MYRIP: variants seen among roughly 807,000 people sequenced by gnomAD.
MYRIP encodes myosin VIIA and Rab interacting protein, also known as rab effector MyRIP.
A neutral mutation model predicts 98.0 loss-of-function variants in MYRIP; 49 were observed. The ratio of observed to expected loss-of-function variants is 0.50; its 90% CI spans 0.40 to 0.63. The LOEUF (loss-of-function observed/expected upper bound fraction) is 0.63, where lower values mean the gene tolerates loss of function less well. MYRIP is among the 30% of genes least tolerant of loss of function. The pLI, the probability that MYRIP is intolerant of heterozygous loss-of-function variation, is 0.00. For synonymous variants in MYRIP, 404 were observed against 409.5 expected (o/e 0.99, Z 0.16); for missense variants, 1,004 against 1,058.2 (o/e 0.95, Z 0.71).
chr3:40,004,498 A>G (rs1437111449), intron 2 of MYRIP, among the ~76,000 whole-genome samples: 1 of 151,980 alleles, frequency 6.6e-6, no homozygotes, highest in African/African-American at 2.4e-5. Context: ...TTATTTCCAT[A>G]GGTTTTTAGG....
At chr3:40,145,787 T>C (rs1364293024) in intron 3 of MYRIP, among the ~76,000 whole-genome samples, 2 of 152,200 alleles carry the variant, frequency 1.3e-5, no homozygotes, top group African/African-American at 4.8e-5. Flanking sequence ...GGTCCAAAGA[T>C]TGGAGATCAG....
intron 2 of MYRIP, among the ~76,000 whole-genome samples, chr3:39,950,640 T>C (rs187732426): frequency 2.6e-5 from 4 of 152,310 alleles, no homozygotes; most frequent in Admixed American, 1.3e-4. Context: ...TCTTTTATCC[T>C]GAGCTTCTTC....
intron 3 of MYRIP, among the ~76,000 whole-genome samples, chr3:40,149,667 G>A (rs1575577137): frequency 6.6e-6 from 1 of 152,258 alleles, no homozygotes; most frequent in South Asian, 2.1e-4. Context: ...TCTGAGTACT[G>A]TCATAATCCA....
At chr3:39,968,087 A>G (rs1400894936) in intron 2 of MYRIP, among the ~76,000 whole-genome samples, 1 of 151,974 alleles carries the variant, frequency 6.6e-6, no homozygotes, top group Non-Finnish European at 1.5e-5. Context: ...TAATTAGATC[A>G]CACTTGATTT....
At chr3:39,877,695 C>T (rs1233103178) in intron 1 of MYRIP, among the ~76,000 whole-genome samples, 1 of 152,174 alleles carries the variant, frequency 6.6e-6, no homozygotes, top group African/African-American at 2.4e-5. Flanking sequence ...CTGATCGTTC[C>T]TCTGGAAGTT....
At chr3:39,955,820 G>A (rs1172520166) in intron 2 of MYRIP, among the ~76,000 whole-genome samples, 2 of 152,028 alleles carry the variant, frequency 1.3e-5, no homozygotes, top group Non-Finnish European at 1.5e-5. Context: ...TCAAAATAAA[G>A]GGATGGAGGA....
At chr3:40,245,769 A>T (rs1398414651) in intron 13 of MYRIP, among the ~76,000 whole-genome samples, 1 of 33,948 alleles carries the variant, frequency 2.9e-5, no homozygotes, top group Non-Finnish European at 4.3e-5. Context: ...TTTTTTTGAG[A>T]CAGAGTCTTA....
At chr3:39,886,955 C>G (rs896738718) in intron 1 of MYRIP, among the ~76,000 whole-genome samples, 1 of 151,998 alleles carries the variant, frequency 6.6e-6, no homozygotes, top group East Asian at 1.9e-4. Context: ...CTCTCCTCAG[C>G]AAATGTAAAA....
At chr3:40,072,499 G>A (rs188375686) in intron 3 of MYRIP, among the ~76,000 whole-genome samples, 304 of 152,220 alleles carry the variant, frequency 2.0e-3, no homozygotes, top group Admixed American at 3.1e-3. Context: ...GAGCCACCGC[G>A]CCCAGCCTGC....
At chr3:40,047,862 A>C (rs1046608519) in intron 3 of MYRIP, among the ~76,000 whole-genome samples, 1 of 152,164 alleles carries the variant, frequency 6.6e-6, no homozygotes, top group African/African-American at 2.4e-5. Flanking sequence ...AGAAGAGTTA[A>C]TTTTATTTAT....
chr3:40,137,792 A>C (rs1473610828), intron 3 of MYRIP, among the ~76,000 whole-genome samples: 1 of 152,136 alleles, frequency 6.6e-6, no homozygotes, highest in Non-Finnish European at 1.5e-5. Flanking sequence ...TATGAGATGA[A>C]TAAGCAAGTG....
intron 11 of MYRIP, among the ~76,000 whole-genome samples, chr3:40,227,983 G>A (rs1213688426): frequency 6.6e-6 from 1 of 152,262 alleles, no homozygotes; most frequent in Non-Finnish European, 1.5e-5. Context: ...GGGCCTGTAT[G>A]TGCAAATAAG....
At chr3:39,811,195 C>T (rs1940675264) in intron 1 of MYRIP, among the ~76,000 whole-genome samples, 1 of 152,116 alleles carries the variant, frequency 6.6e-6, no homozygotes. Flanking sequence ...GCCTCCCCCA[C>T]CCCAACTCTG....
At chr3:40,244,012 T>C (rs1326098797) in intron 12 of MYRIP, among the ~76,000 whole-genome samples, 1 of 152,216 alleles carries the variant, frequency 6.6e-6, no homozygotes, top group African/African-American at 2.4e-5. Context: ...GTAATTATTT[T>C]AAATTATTTC....
intron 2 of MYRIP, among the ~76,000 whole-genome samples, chr3:39,991,063 G>C (rs1287625971): frequency 6.6e-6 from 1 of 152,078 alleles, no homozygotes; most frequent in African/African-American, 2.4e-5. Flanking sequence ...ACAGGTTGAT[G>C]GGTGCAACAA....
In MYRIP at chr3:39,816,345, G is replaced by C. The variant is rs561410384; in HGVS notation, c.-31+6429G>C. Among the ~76,000 whole-genome samples the C allele has an allele frequency of 2.0e-3, 299 of 152,258 alleles. 2 individuals are homozygous for C. Among genetic ancestry groups the C allele is most frequent in the African/African-American group, 6.8e-3 (282 of 41,542 alleles). On this transcript the variant is annotated intron_variant, in intron 1 of 16. Coordinates refer to ENST00000302541, the MANE Select transcript of MYRIP (RefSeq NM_015460.4). ...GATCCACCCGCCTCGGCCTCCCAAA[G>C]TGCTGGGATTACAGGCGTGAGCCAC...
At chr3:40,062,164 T>C (rs1948032599) in intron 3 of MYRIP, among the ~76,000 whole-genome samples, 1 of 152,224 alleles carries the variant, frequency 6.6e-6, no homozygotes, top group African/African-American at 2.4e-5. Flanking sequence ...TCATGAAATG[T>C]TTGCCTGTTC....
At chr3:40,121,002 T>C (rs948191905) in intron 3 of MYRIP, among the ~76,000 whole-genome samples, 2 of 151,980 alleles carry the variant, frequency 1.3e-5, no homozygotes, top group Admixed American at 1.3e-4. Flanking sequence ...CAGAGAGGAA[T>C]GAATCAAGCA....
chr3:40,002,129 T>C (rs1045679414), intron 2 of MYRIP, among the ~76,000 whole-genome samples: 2 of 152,212 alleles, frequency 1.3e-5, no homozygotes, highest in Non-Finnish European at 2.9e-5. Flanking sequence ...AAAAGGCCTT[T>C]GATCAATGTT....
Sources: allele counts gnomAD v4.1 joint callset (sites outside exome capture counted in the v4.1 genomes callset), GRCh38; gene constraint gnomAD v4.1.1; transcripts MANE v1.5; gene names NCBI Gene and HGNC (gene_info 2026-07-23, HGNC 2026-07-21).